The following ATG5 variants were observed in gnomAD, a reference collection of about 807,000 sequenced individuals.
ATG5 encodes autophagy related 5, also known as autophagy protein 5.
In ATG5, 14 loss-of-function variants were observed where a neutral mutation model predicts 36.5. That is an observed-to-expected ratio of 0.38 (90% confidence interval 0.25 to 0.60). The LOEUF (loss-of-function observed/expected upper bound fraction) is 0.60, where lower values mean the gene tolerates loss of function less well. Among genes scored for constraint, ATG5 ranks in the 20% least tolerant of loss-of-function variants. The pLI is 0.60. For synonymous variants in ATG5, 95 were observed against 101.5 expected (o/e 0.94, Z 0.38); for missense variants, 195 against 326.7 (o/e 0.60, Z 3.11).
chr6:106,243,746 G>A (rs531572856), intron 6 of ATG5, among the ~76,000 whole-genome samples: 14 of 151,786 alleles, frequency 9.2e-5, no homozygotes, highest in Admixed American at 2.0e-4. Context: ...CAGGAAAATC[G>A]CCTGAACCCA....
intron 7 of ATG5, among the ~76,000 whole-genome samples, chr6:106,187,932 C>A (rs1775834423): frequency 6.6e-6 from 1 of 152,060 alleles, no homozygotes; most frequent in Non-Finnish European, 1.5e-5. Flanking sequence ...CAAAGATAAC[C>A]AAATAAAACA....
intron 7 of ATG5, 32 bp downstream of exon 7, chr6:106,201,940 A>C (rs765857129): frequency 2.0e-6 from 3 of 1,487,450 alleles, no homozygotes; most frequent in Non-Finnish European, 2.8e-6. Context: ...CAGAAAATGA[A>C]AGAAATGTTT....
intron 5 of ATG5, among the ~76,000 whole-genome samples, chr6:106,263,029 C>T (rs1779088941): frequency 6.6e-6 from 1 of 152,196 alleles, no homozygotes; most frequent in African/African-American, 2.4e-5. Context: ...GCTGAAGCCA[C>T]AGAGTCAAGT....
chr6:106,204,337 A>C (rs1020070135), intron 6 of ATG5, among the ~76,000 whole-genome samples: 26 of 152,346 alleles, frequency 1.7e-4, no homozygotes, highest in Non-Finnish European at 3.1e-4. Context: ...GTATTTTAAA[A>C]TAGTAATCCA....
At chr6:106,220,988 C>T (rs1334978903) in intron 6 of ATG5, among the ~76,000 whole-genome samples, 3 of 152,132 alleles carry the variant, frequency 2.0e-5, no homozygotes, top group East Asian at 3.8e-4. Flanking sequence ...ATTCTTTGGA[C>T]AGGAACTAAG....
intron 5 of ATG5, among the ~76,000 whole-genome samples, chr6:106,270,531 C>T (rs1183321097): frequency 6.6e-6 from 1 of 152,156 alleles, no homozygotes; most frequent in African/African-American, 2.4e-5. Context: ...ATGACTGTGA[C>T]ACATTCACTG....
At chr6:106,188,066 C>G (rs1488708062) in intron 7 of ATG5, among the ~76,000 whole-genome samples, 1 of 152,104 alleles carries the variant, frequency 6.6e-6, no homozygotes, top group Admixed American at 6.6e-5. Flanking sequence ...CATAATTTGA[C>G]ACAGTTGTGA....
intron 2 of ATG5, among the ~76,000 whole-genome samples, chr6:106,312,753 A>G (rs1224469861): frequency 1.3e-5 from 2 of 152,136 alleles, no homozygotes; most frequent in Non-Finnish European, 2.9e-5. Context: ...AACCAACAAC[A>G]TCAAACACTG....
chr6:106,220,231 A>G (rs952857723), intron 6 of ATG5, among the ~76,000 whole-genome samples: 3 of 152,232 alleles, frequency 2.0e-5, no homozygotes, highest in Non-Finnish European at 4.4e-5. Context: ...TCAAGTATGC[A>G]TATGTCAATA....
chr6:106,234,500 G>C (rs953726331), intron 6 of ATG5, among the ~76,000 whole-genome samples: 2 of 146,932 alleles, frequency 1.4e-5, no homozygotes, highest in Non-Finnish European at 3.0e-5. Context: ...CAATACTGTA[G>C]ACACAACCAA....
intron 7 of ATG5, among the ~76,000 whole-genome samples, chr6:106,198,881 C>T (rs191239203): frequency 8.6e-5 from 13 of 151,642 alleles, no homozygotes; most frequent in Non-Finnish European, 1.6e-4. Context: ...GAACTTGTAT[C>T]CAGAATATAT....
rs911071807 is a variant in ATG5, at chr6:106,206,745, T to G, written c.574-4656A>C. Among the ~76,000 whole-genome samples the G allele has an allele frequency of 5.9e-5, 9 of 151,694 alleles. 1 individual carries two copies. Among genetic ancestry groups the G allele is most frequent in the Admixed American group, 5.3e-4 (8 of 15,228 alleles). ...ATTACCCTTAAAATAAAAGCTCCCA[T>G]AGAGAGATCATGCATTCAAGTACAG... On this transcript the variant is annotated intron_variant, in intron 6 of 7. Coordinates refer to ENST00000369076, the MANE Select transcript of ATG5 (RefSeq NM_004849.4).
At chr6:106,276,192 C>G (rs1424949803) in intron 5 of ATG5, among the ~76,000 whole-genome samples, 1 of 152,180 alleles carries the variant, frequency 6.6e-6, no homozygotes, top group Non-Finnish European at 1.5e-5. Context: ...GGGCCGGGCG[C>G]GGTGGCTCAC....
intron 2 of ATG5, among the ~76,000 whole-genome samples, chr6:106,310,055 A>G (rs1770592330): frequency 6.6e-6 from 1 of 152,178 alleles, no homozygotes; most frequent in African/African-American, 2.4e-5. Context: ...ATGAAATAAA[A>G]TATTTTTTAC....
intron 3 of ATG5, among the ~76,000 whole-genome samples, chr6:106,298,420 A>G (rs1770064690): frequency 6.6e-6 from 1 of 152,056 alleles, no homozygotes; most frequent in South Asian, 2.1e-4. Context: ...GCGTGGTGGC[A>G]TGCACCTGTA....
intron 5 of ATG5, among the ~76,000 whole-genome samples, chr6:106,252,185 C>T (rs975858506): frequency 6.6e-6 from 1 of 152,164 alleles, no homozygotes; most frequent in African/African-American, 2.4e-5. Flanking sequence ...CTAGCAGTCA[C>T]TTAGCTTATT....
chr6:106,274,699 T>A (rs929830990), intron 5 of ATG5, among the ~76,000 whole-genome samples: 14 of 152,184 alleles, frequency 9.2e-5, no homozygotes, highest in Non-Finnish European at 1.3e-4. Flanking sequence ...AGGAAACTAC[T>A]TATGAAAAAT....
At chr6:106,202,790 T>A (rs922598455) in intron 6 of ATG5, among the ~76,000 whole-genome samples, 1 of 152,164 alleles carries the variant, frequency 6.6e-6, no homozygotes, top group Non-Finnish European at 1.5e-5. Context: ...GCCTCCCAAG[T>A]AGCTGGGACT....
At chr6:106,313,398 C>T (rs1375907305) in intron 2 of ATG5, among the ~76,000 whole-genome samples, 1 of 152,184 alleles carries the variant, frequency 6.6e-6, no homozygotes, top group African/African-American at 2.4e-5. Flanking sequence ...GATACATAAA[C>T]GGATCGCTGC....
Sources: allele counts gnomAD v4.1 joint callset (sites outside exome capture counted in the v4.1 genomes callset), GRCh38; gene constraint gnomAD v4.1.1; transcripts MANE v1.5; gene names NCBI Gene and HGNC (gene_info 2026-07-23, HGNC 2026-07-21).